Variants in ZNF654 observed in about 807,000 individuals in gnomAD.
ZNF654 encodes melanoma-associated antigen.
Under a neutral mutation model 95.3 loss-of-function variants are expected in ZNF654, and 19 were observed. That is an observed-to-expected ratio of 0.20 (90% CI 0.14 to 0.29). ZNF654 has a LOEUF of 0.29. Among genes scored for constraint, ZNF654 ranks in the 10% least tolerant of loss-of-function variants. ZNF654 has a pLI of 1.00. For synonymous variants in ZNF654, 413 were observed against 457.9 expected, an observed-to-expected ratio of 0.90 and a Z score of 1.25; for missense variants, 1,046 against 1,341.0, an observed-to-expected ratio of 0.78 and a Z score of 3.44.
In ZNF654 at chr3:88,082,283, C is replaced by A. The variant is rs775058194; in HGVS notation, c.187-3974C>A. 2.6e-5 allele frequency among the ~76,000 whole-genome samples: 4 copies of A among 152,176 alleles called. No individual in the cohort carries two copies. In the South Asian group the frequency reaches 8.3e-4, roughly 32 times the overall value. ...CTAGGACTACAGGCGCGTGCCACCACGCCCAGCTAATTTTTATATTTTTAG... is the reference window on the plus strand; with the variant it reads ...CTAGGACTACAGGCGCGTGCCACCAAGCCCAGCTAATTTTTATATTTTTAG... On this transcript the variant is annotated intron_variant, in intron 1 of 8. Coordinates refer to ENST00000636215, the MANE Select transcript of ZNF654 (RefSeq NM_001350134.2).
At chr3:88,093,425 G>A (rs994568980) in intron 2 of ZNF654, among the ~76,000 whole-genome samples, 1 of 152,166 alleles carries the variant, frequency 6.6e-6, no homozygotes, top group Non-Finnish European at 1.5e-5. Flanking sequence ...GGTGAGTTAT[G>A]GGACAGCAGG....
At position 88,126,409 on chromosome 3, in the gene ZNF654, GT is replaced by G. The variant is rs1371221128; in HGVS notation, c.550+143del. 3 of 1,023,172 alleles carry G rather than the reference GT, an allele frequency of 2.9e-6. No homozygotes were observed. The African/African-American group carries it at 4.9e-5, about 17-fold the overall frequency. 63.4% of individuals were successfully genotyped at this position (1,023,172 alleles called of 1,614,324 possible). Reference sequence around the variant, plus strand: ...AGTGATGTATTTTCACATGAAAAGTGTTTGTTTTTCTAAACTGGCCCAAAGT... The same window carrying G: ...AGTGATGTATTTTCACATGAAAAGTGTTGTTTTTCTAAACTGGCCCAAAGT... On this transcript the variant is annotated intron_variant, in intron 4 of 8. Coordinates refer to ENST00000636215, the MANE Select transcript of ZNF654 (RefSeq NM_001350134.2).
intron 5 of ZNF654, among the ~76,000 whole-genome samples, chr3:88,129,306 A>C: frequency 7.2e-6 from 1 of 138,332 alleles, no homozygotes; most frequent in Non-Finnish European, 1.5e-5. Flanking sequence ...CAACAAGCTC[A>C]CAGCTTGCCA....
intron 1 of ZNF654, among the ~76,000 whole-genome samples, chr3:88,079,292 GA>G (rs1707964780): frequency 6.6e-6 from 1 of 152,040 alleles, no homozygotes; most frequent in South Asian, 2.1e-4. Context: ...AGCACAAACA[GA>G]TATGCTAATG....
intron 2 of ZNF654, among the ~76,000 whole-genome samples, chr3:88,106,494 C>T (rs1704746299): frequency 2.0e-5 from 3 of 151,960 alleles, no homozygotes; most frequent in Admixed American, 2.0e-4. Flanking sequence ...TGTGCAGCCA[C>T]CCCCAGCTAA....
chr3:88,142,010 A>G lies in ZNF654; in HGVS notation c.*358A>G. 1 of 119,820 alleles carries G rather than the reference A, an allele frequency of 8.3e-6. No homozygotes were observed. Among genetic ancestry groups the G allele is most frequent in the Non-Finnish European group, 1.9e-5 (1 of 53,114 alleles). The allele number at this position is 119,820 out of a possible 1,614,324, so 7.4% of individuals were successfully genotyped here. A position where few individuals can be genotyped will look rare whatever the true frequency, so the allele number is the denominator to read the frequency against. ...AAGGGAAAAATTAACCCATTATTAA[A>G]AAGTGTGTGTGGGGAGGGGGGCTGG... On this transcript the variant is annotated 3_prime_UTR_variant, in exon 9 of 9. Coordinates refer to ENST00000636215, the MANE Select transcript of ZNF654 (RefSeq NM_001350134.2).
chr3:88,079,182 A>C (rs576130077), intron 1 of ZNF654, among the ~76,000 whole-genome samples: 2 of 152,124 alleles, frequency 1.3e-5, no homozygotes, highest in African/African-American at 2.4e-5. Context: ...AGTCAAAAAC[A>C]GGGAGATGAT....
intron 4 of ZNF654, among the ~76,000 whole-genome samples, chr3:88,126,634 G>A (rs1283459913): frequency 1.6e-5 from 2 of 128,072 alleles, no homozygotes; most frequent in African/African-American, 3.0e-5. Context: ...TTTCATGAAA[G>A]CACATGGAAT....
chr3:88,134,639 T>G (rs1706663062), intron 6 of ZNF654, among the ~76,000 whole-genome samples: 2 of 152,160 alleles, frequency 1.3e-5, no homozygotes, highest in Admixed American at 1.3e-4. Context: ...TTTTGATATC[T>G]TAATAAATTG....
intron 1 of ZNF654, among the ~76,000 whole-genome samples, chr3:88,073,579 G>A (rs1469862658): frequency 1.3e-5 from 2 of 152,292 alleles, no homozygotes; most frequent in Non-Finnish European, 2.9e-5. Context: ...TTAGCATTTT[G>A]CTAAAAGTGG....
intron 2 of ZNF654, among the ~76,000 whole-genome samples, chr3:88,108,179 C>G (rs1314883077): frequency 6.6e-6 from 1 of 151,256 alleles, no homozygotes; most frequent in Admixed American, 6.6e-5. Context: ...AGGTCACGAC[C>G]TACATGAGAA....
chr3:88,082,603 A>G (rs1028504989), intron 1 of ZNF654, among the ~76,000 whole-genome samples: 5 of 152,248 alleles, frequency 3.3e-5, no homozygotes, highest in African/African-American at 1.2e-4. Flanking sequence ...ACTAATAGAA[A>G]TAAAGACATG....
chr3:88,092,572 A>C (rs1017467271), intron 2 of ZNF654, among the ~76,000 whole-genome samples: 2 of 152,194 alleles, frequency 1.3e-5, no homozygotes, highest in African/African-American at 4.8e-5. Flanking sequence ...CAGAATGTTT[A>C]AGGCACCTGG....
At chr3:88,133,243 C>T (rs1198768001) in intron 6 of ZNF654, among the ~76,000 whole-genome samples, 2 of 152,074 alleles carry the variant, frequency 1.3e-5, no homozygotes, top group African/African-American at 2.4e-5. Flanking sequence ...TAGGGCTTTT[C>T]CTAGAAAAGC....
chr3:88,129,923 A>C, intron 6 of ZNF654, 97 bp downstream of exon 6: 1 of 1,147,630 alleles, frequency 8.7e-7, no homozygotes, highest in Non-Finnish European at 1.1e-6. Flanking sequence ...TGAAAATGTC[A>C]AGCTACTTTT....
chr3:88,111,113 A>T (rs1705066387), intron 2 of ZNF654, among the ~76,000 whole-genome samples: 1 of 152,006 alleles, frequency 6.6e-6, no homozygotes. Flanking sequence ...TAAGTATGGA[A>T]TGTCAAGAGT....
chr3:88,137,457 T>G (rs1263106237), intron 7 of ZNF654, among the ~76,000 whole-genome samples: 1 of 152,182 alleles, frequency 6.6e-6, no homozygotes, highest in Admixed American at 6.5e-5. Context: ...GAGGTTACTA[T>G]GTACCAACTT....
At chr3:88,104,013 C>T (rs992459816) in intron 2 of ZNF654, among the ~76,000 whole-genome samples, 5 of 151,968 alleles carry the variant, frequency 3.3e-5, no homozygotes, top group Admixed American at 1.3e-4. Context: ...CCACCTGCCT[C>T]GGCCTCTGCT....
intron 4 of ZNF654, 96 bp downstream of exon 4, chr3:88,126,365 T>C (rs2107822160): frequency 1.6e-6 from 2 of 1,229,514 alleles, no homozygotes; most frequent in Admixed American, 6.8e-5. Flanking sequence ...TTCTTCATTT[T>C]ATAATACTGA....
Sources: gnomAD v4.1 joint callset for allele counts (sites outside exome capture counted in the v4.1 genomes callset) on GRCh38, gnomAD v4.1.1 for gene constraint, MANE v1.5 for transcripts, NCBI Gene and HGNC (gene_info 2026-07-23, HGNC 2026-07-21) for gene names.